The following SLC25A48 variants were observed in gnomAD, a reference collection of about 807,000 sequenced individuals.
SLC25A48 encodes CTC-321K16.1.
Under a neutral mutation model 32.2 loss-of-function variants are expected in SLC25A48, and 29 were observed. The observed-to-expected ratio is 0.90, with a 90% CI of 0.67 to 1.23. The LOEUF (loss-of-function observed/expected upper bound fraction) is 1.23, where lower values mean the gene tolerates loss of function less well. Ranked by LOEUF, SLC25A48 falls within the 50% of genes most tolerant of loss-of-function variation. The pLI, the probability that SLC25A48 is intolerant of heterozygous loss-of-function variation, is 0.00. For missense variants in SLC25A48, 399 were observed against 422.7 expected (o/e 0.94, Z 0.49); for synonymous variants, 164 against 172.3 (o/e 0.95, Z 0.38).
At chr5:135,843,013 C>A (rs1226301914) in intron 2 of SLC25A48, among the ~76,000 whole-genome samples, 1 of 152,204 alleles carries the variant, frequency 6.6e-6, no homozygotes, top group South Asian at 2.1e-4. Flanking sequence ...AGGAGCCTCA[C>A]AGACCGTTTT....
Position 135,888,133 on chromosome 5 carries a change from C to A in SLC25A48, c.*109C>A. On this transcript the variant is annotated 3_prime_UTR_variant, in exon 8 of 8. Transcript: ENST00000681962. ...GGCCTTTGGACCTCCAAGTGGACATCAATTAGCAAGCGTGGGCTAGGATGG... is the reference window on the plus strand; with the variant it reads ...GGCCTTTGGACCTCCAAGTGGACATAAATTAGCAAGCGTGGGCTAGGATGG... 1 of 1,536,256 alleles carries A rather than the reference C, an allele frequency of 6.5e-7. No individual in the cohort carries two copies. The highest frequency in any genetic ancestry group is 8.8e-7 in the Non-Finnish European group (1 of 1,133,602).
intron 2 of SLC25A48, among the ~76,000 whole-genome samples, chr5:135,844,511 C>T (rs1759255352): frequency 1.3e-5 from 2 of 152,194 alleles, no homozygotes; most frequent in South Asian, 4.1e-4. Context: ...TTTGGAACCA[C>T]GCAGGCTCTA....
chr5:135,844,021 G>A (rs1039745487), intron 2 of SLC25A48, among the ~76,000 whole-genome samples: 7 of 152,296 alleles, frequency 4.6e-5, no homozygotes, highest in African/African-American at 1.7e-4. Context: ...TAGGGCCCAT[G>A]TCTGGCACTC....
chr5:135,696,154 T>C (rs1258843910), intron 3 of SLC25A48, among the ~76,000 whole-genome samples: 2 of 152,180 alleles, frequency 1.3e-5, no homozygotes, highest in East Asian at 3.9e-4. Context: ...GTATCAAATA[T>C]CTGGGAATGT....
intron 1 of SLC25A48, among the ~76,000 whole-genome samples, chr5:135,619,951 A>G (rs761956759): frequency 2.0e-5 from 3 of 152,222 alleles, no homozygotes; most frequent in Non-Finnish European, 4.4e-5. Flanking sequence ...ATGTTAGTCC[A>G]GGCAGGCCCA....
At chr5:135,750,679 A>G (rs1289931560) in intron 3 of SLC25A48, among the ~76,000 whole-genome samples, 1 of 152,108 alleles carries the variant, frequency 6.6e-6, no homozygotes, top group Admixed American at 6.6e-5. Flanking sequence ...ATCGGACATC[A>G]GGCCAGCAGC....
At chr5:135,883,575 C>G (rs888234043) in intron 7 of SLC25A48, 10 of 719,360 alleles carry the variant, frequency 1.4e-5, no homozygotes, top group Non-Finnish European at 1.7e-5. Flanking sequence ...CCCCTCCACA[C>G]AGGTGAGGAG....
At chr5:135,609,961 A>G (rs1254349224) in intron 1 of SLC25A48, among the ~76,000 whole-genome samples, 1 of 152,242 alleles carries the variant, frequency 6.6e-6, no homozygotes, top group African/African-American at 2.4e-5. Flanking sequence ...CCACGTGCAT[A>G]TGCTACTTTA....
intron 1 of SLC25A48, 105 bp downstream of exon 1, chr5:135,834,998 C>T: frequency 7.3e-7 from 1 of 1,369,206 alleles, no homozygotes; most frequent in Non-Finnish European, 1.0e-6. Context: ...ATCCCGCTCC[C>T]CGTTGTGCGC....
At chr5:135,736,239 G>C (rs1041899296) in intron 3 of SLC25A48, among the ~76,000 whole-genome samples, 1 of 152,110 alleles carries the variant, frequency 6.6e-6, no homozygotes, top group East Asian at 1.9e-4. Flanking sequence ...AAAATGCCTG[G>C]ATGTAAGGCA....
At chr5:135,834,569 T>G (rs920745381), upstream of SLC25A48, 3 of 441,268 alleles carry the variant, frequency 6.8e-6, no homozygotes, top group Admixed American at 1.2e-4. Context: ...TGCCTCTTTG[T>G]GTCTGGGATG....
chr5:135,649,111 AC>A (rs1753040422), intron 3 of SLC25A48: 2 of 152,214 alleles, frequency 1.3e-5, no homozygotes, highest in South Asian at 4.1e-4. Context: ...GTCCCAGCTA[AC>A]CAATTTATGG....
At chr5:135,740,254 G>A (rs572084402) in intron 3 of SLC25A48, among the ~76,000 whole-genome samples, 11 of 152,048 alleles carry the variant, frequency 7.2e-5, no homozygotes, top group African/African-American at 2.7e-4. Context: ...AGTGCAGTGG[G>A]GTGATCTCGG....
chr5:135,807,192 C>T (rs1245386925), intron 3 of SLC25A48, among the ~76,000 whole-genome samples: 4 of 150,146 alleles, frequency 2.7e-5, no homozygotes, highest in Non-Finnish European at 4.5e-5. Context: ...ATATTTTATT[C>T]ATATCATAGT....
chr5:135,728,512 T>C (rs10455055), intron 3 of SLC25A48, among the ~76,000 whole-genome samples: 41,740 of 152,050 alleles, frequency 0.27, 6,001 homozygotes, highest in East Asian at 0.47. Context: ...ATCATTTATA[T>C]GGCTAATCCC....
chr5:135,705,957 C>T (rs1459935641), intron 3 of SLC25A48, among the ~76,000 whole-genome samples: 1 of 152,188 alleles, frequency 6.6e-6, no homozygotes, highest in African/African-American at 2.4e-5. Context: ...GTTTGTACAG[C>T]AGACGTCCCA....
At chr5:135,872,004 T>G in intron 5 of SLC25A48, 1 of 1,308,490 alleles carries the variant, frequency 7.6e-7, no homozygotes, top group Non-Finnish European at 9.8e-7. Flanking sequence ...GGAAAGGAAA[T>G]CCATTATCAT....
chr5:135,742,554 T>C (rs1233093154), intron 3 of SLC25A48: 1 of 1,415,670 alleles, frequency 7.1e-7, no homozygotes, highest in Non-Finnish European at 9.8e-7. Context: ...ATTTTGTGTT[T>C]TATGGTTTTC....
intron 3 of SLC25A48, among the ~76,000 whole-genome samples, chr5:135,732,415 A>G (rs1360895340): frequency 6.6e-6 from 1 of 152,190 alleles, no homozygotes; most frequent in Admixed American, 6.5e-5. Context: ...ATCCAGTGAT[A>G]GTGTCTACCC....
Sources: allele counts gnomAD v4.1 joint callset (sites outside exome capture counted in the v4.1 genomes callset), GRCh38; gene constraint gnomAD v4.1.1; transcripts MANE v1.5; gene names NCBI Gene and HGNC (gene_info 2026-07-23, HGNC 2026-07-21).